FBXL2: variants seen among roughly 807,000 people sequenced by gnomAD.
The protein encoded by FBXL2 is F-box and leucine rich repeat protein 2, also known as F-box/LRR-repeat protein 2.
Under a neutral mutation model 69.2 loss-of-function variants are expected in FBXL2, and 38 were observed. That is an observed-to-expected ratio of 0.55 (90% confidence interval 0.42 to 0.72). The LOEUF (loss-of-function observed/expected upper bound fraction) is 0.72, where lower values mean the gene tolerates loss of function less well. Among genes scored for constraint, FBXL2 ranks in the 30% least tolerant of loss-of-function variants. The pLI is 0.00. For synonymous variants in FBXL2, 192 were observed against 201.3 expected (o/e 0.95, Z 0.39); for missense variants, 354 against 520.3 (o/e 0.68, Z 3.11).
At chr3:33,354,513 G>GA (rs879628603) in intron 2 of FBXL2, among the ~76,000 whole-genome samples, 113 of 141,532 alleles carry the variant, frequency 8.0e-4, no homozygotes, top group African/African-American at 8.8e-4. Flanking sequence ...ACTCCATCTG[G>GA]AAAAAAAAAA....
chr3:33,317,522 G>A (rs1460691781), intron 2 of FBXL2: 1 of 456,500 alleles, frequency 2.2e-6, no homozygotes, highest in Admixed American at 2.3e-5. Flanking sequence ...CTTGTAAAAA[G>A]GAAGAATGGA....
At chr3:33,377,447 A>G in intron 11 of FBXL2, 114 bp downstream of exon 11, 1 of 977,672 alleles carries the variant, frequency 1.0e-6, no homozygotes, top group Non-Finnish European at 1.6e-6. Flanking sequence ...ACAGGCACAA[A>G]GTAGAGTAGA....
At chr3:33,366,309 G>A (rs1042137158) in intron 5 of FBXL2, among the ~76,000 whole-genome samples, 1 of 152,102 alleles carries the variant, frequency 6.6e-6, no homozygotes, top group Non-Finnish European at 1.5e-5. Context: ...TAATGCTTTT[G>A]TCTGGTGTAG....
At chr3:33,398,319 G>T (rs576283081) in intron 12 of FBXL2, 1 of 152,282 alleles carries the variant, frequency 6.6e-6, no homozygotes, top group East Asian at 1.9e-4. Flanking sequence ...ACAAAGATCA[G>T]AGAAGCACAT....
At chr3:33,304,405 AG>A (rs1351008203) in intron 2 of FBXL2, among the ~76,000 whole-genome samples, 1 of 152,170 alleles carries the variant, frequency 6.6e-6, no homozygotes, top group Non-Finnish European at 1.5e-5. Context: ...TCGTAAAAAA[AG>A]TATATGGTAT....
chr3:33,403,681 G>C (rs974793397), downstream of FBXL2: 3 of 152,076 alleles, frequency 2.0e-5, no homozygotes, highest in Non-Finnish European at 4.4e-5. Flanking sequence ...GCAAAATTCT[G>C]ACCAGAAACA....
intron 2 of FBXL2, among the ~76,000 whole-genome samples, chr3:33,357,354 T>G (rs2041273686): frequency 1.3e-5 from 2 of 152,118 alleles, no homozygotes; most frequent in South Asian, 4.1e-4. Context: ...GAGCTGATAA[T>G]CAGATGTGGC....
intron 2 of FBXL2, among the ~76,000 whole-genome samples, chr3:33,340,538 T>C (rs921635325): frequency 1.7e-5 from 2 of 117,714 alleles, no homozygotes; most frequent in Non-Finnish European, 3.4e-5. Flanking sequence ...GGAACCAACA[T>C]GAAGAGCCTC....
chr3:33,397,267 C>T (rs144241595), intron 12 of FBXL2: 1 of 597,522 alleles, frequency 1.7e-6, no homozygotes, highest in East Asian at 3.1e-5. Flanking sequence ...TACACATGAA[C>T]AATATAAGAA....
Position 33,387,809 on chromosome 3 carries a change from C to CT in FBXL2, c.*2202dup, listed in dbSNP as rs1351700889. On this transcript the variant is annotated 3_prime_UTR_variant, in exon 15 of 15. Coordinates refer to ENST00000484457, the MANE Select transcript of FBXL2 (RefSeq NM_012157.5). ...GCAGGCTGGGCACGGTGGCTCACGCCTGTAATCCCAGCACTTTGGGAGGCA... is the reference window on the plus strand; with the variant it reads ...GCAGGCTGGGCACGGTGGCTCACGCCTTGTAATCCCAGCACTTTGGGAGGCA... 16 of 152,422 alleles carry CT rather than the reference C, an allele frequency of 1.0e-4. No homozygotes were observed. In the East Asian group the frequency reaches 2.1e-3, roughly 20 times the overall value. 9.4% of individuals were successfully genotyped at this position (152,422 alleles called of 1,614,324 possible). A position where few individuals can be genotyped will look rare whatever the true frequency, so the allele number is the denominator to read the frequency against.
chr3:33,320,451 T>C (rs1191707600), intron 2 of FBXL2, among the ~76,000 whole-genome samples: 2 of 151,988 alleles, frequency 1.3e-5, no homozygotes, highest in African/African-American at 2.4e-5. Flanking sequence ...AGAAAAAGTA[T>C]TGGAGGCTAT....
At chr3:33,391,179 A>C (rs540654605), downstream of FBXL2, 38 of 152,240 alleles carry the variant, frequency 2.5e-4, no homozygotes, top group Non-Finnish European at 5.3e-4. Context: ...GGCATACGCA[A>C]CATGTGAGGC....
At chr3:33,377,241 C>T (rs746663845) in intron 10 of FBXL2, 32 bp from the exon 11 acceptor site, 21 of 1,596,390 alleles carry the variant, frequency 1.3e-5, no homozygotes, top group Admixed American at 3.3e-5. Flanking sequence ...TAGTTGGTAC[C>T]GTTTTCTCCC....
At chr3:33,421,883 A>T in the FBXL2 span, among the ~76,000 whole-genome samples, 2 of 152,150 alleles carry the variant, frequency 1.3e-5, no homozygotes, top group Admixed American at 6.5e-5. Context: ...ATCCCTACTA[A>T]GAATACAAAA....
At chr3:33,420,734 G>A in the FBXL2 span, among the ~76,000 whole-genome samples, 7 of 152,026 alleles carry the variant, frequency 4.6e-5, no homozygotes, top group African/African-American at 1.4e-4. Context: ...TGATCCACCC[G>A]CCTCTGCCTC....
At chr3:33,311,948 T>A (rs1318841717) in intron 2 of FBXL2, among the ~76,000 whole-genome samples, 1 of 152,216 alleles carries the variant, frequency 6.6e-6, no homozygotes, top group African/African-American at 2.4e-5. Flanking sequence ...ATGATTTCTG[T>A]CTCTTTGTTG....
chr3:33,313,009 A>C (rs2037348496), intron 2 of FBXL2, among the ~76,000 whole-genome samples: 1 of 151,942 alleles, frequency 6.6e-6, no homozygotes, highest in Non-Finnish European at 1.5e-5. Context: ...AGTCCCAGCT[A>C]CTTGGGAGGC....
chr3:33,358,882 G>A, intron 2 of FBXL2, 85 bp from the exon 3 acceptor site: 1 of 750,582 alleles, frequency 1.3e-6, no homozygotes. Flanking sequence ...TATCCAGGTG[G>A]CGGATTAGAG....
chr3:33,277,684 G>T (rs1254074781), intron 1 of FBXL2, among the ~76,000 whole-genome samples, 169 bp downstream of exon 1: 1 of 152,070 alleles, frequency 6.6e-6, no homozygotes, highest in Non-Finnish European at 1.5e-5. Context: ...CCCGGGGAGG[G>T]GTAACCTGGG....
Sources: allele counts gnomAD v4.1 joint callset (sites outside exome capture counted in the v4.1 genomes callset), GRCh38; gene constraint gnomAD v4.1.1; transcripts MANE v1.5; gene names NCBI Gene and HGNC (gene_info 2026-07-23, HGNC 2026-07-21).